Variants in PPP1R9A observed in about 807,000 individuals in gnomAD.
PPP1R9A encodes neurabin-1.
A neutral mutation model predicts 141.9 loss-of-function variants in PPP1R9A; 59 were observed. The ratio of observed to expected loss-of-function variants is 0.42; its 90% confidence interval spans 0.34 to 0.52. The LOEUF (loss-of-function observed/expected upper bound fraction) is 0.52, where lower values mean the gene tolerates loss of function less well. Among genes scored for constraint, PPP1R9A ranks in the 20% least tolerant of loss-of-function variants. The pLI, the probability that PPP1R9A is intolerant of heterozygous loss-of-function variation, is 0.10. For missense variants in PPP1R9A, 1,444 were observed against 1,611.9 expected, an observed-to-expected ratio of 0.90 and a Z score of 1.78; for synonymous variants, 500 against 569.7, an observed-to-expected ratio of 0.88 and a Z score of 1.74.
intron 2 of PPP1R9A, among the ~76,000 whole-genome samples, chr7:95,016,827 G>A (rs892086416): frequency 6.6e-6 from 1 of 152,146 alleles, no homozygotes; most frequent in Non-Finnish European, 1.5e-5. Context: ...TAAGGTATGT[G>A]TTATGGATTG....
chr7:95,136,619 C>A (rs1403191236), intron 4 of PPP1R9A, among the ~76,000 whole-genome samples: 4 of 152,060 alleles, frequency 2.6e-5, no homozygotes, highest in Non-Finnish European at 4.4e-5. Context: ...ATGGCATATA[C>A]ATAATGATGG....
Position 95,251,993 on chromosome 7 carries a change from T to C in PPP1R9A, c.2528T>C (p.Leu843Pro). 1 of 1,609,690 alleles carries C rather than the reference T, an allele frequency of 6.2e-7. No homozygotes were observed. ...TTGGAAGCTGAGGTATTCAGGCTAC[T>C]GAAGCAAAATGGGACTCAAGTTAAC... ...RDLEAEVFRL[L>P]KQNGTQVNNN... is the part of the protein sequence containing the mutation. Residue 843 changes from leucine to proline, a missense_variant, in exon 12 of 20, where the codon CTG becomes CCG. This residue lies in a region of PPP1R9A where 488 missense variants were observed against 542.0 expected (regional missense o/e 0.90). Coordinates refer to ENST00000433360, the MANE Select transcript of PPP1R9A (RefSeq NM_001166160.2).
At chr7:95,142,297 T>C (rs1481909576) in intron 4 of PPP1R9A, among the ~76,000 whole-genome samples, 1 of 152,126 alleles carries the variant, frequency 6.6e-6, no homozygotes, top group African/African-American at 2.4e-5. Context: ...TTTTAACTTA[T>C]GAGTTGCCTT....
intron 14 of PPP1R9A, among the ~76,000 whole-genome samples, chr7:95,270,943 A>G (rs1802075570): frequency 6.6e-6 from 1 of 152,176 alleles, no homozygotes; most frequent in Non-Finnish European, 1.5e-5. Flanking sequence ...AATTATATCA[A>G]CGCTCAGAAG....
At chr7:95,192,836 T>A (rs1053085077) in intron 5 of PPP1R9A, among the ~76,000 whole-genome samples, 1 of 152,128 alleles carries the variant, frequency 6.6e-6, no homozygotes, top group Non-Finnish European at 1.5e-5. Flanking sequence ...AATTTTACAT[T>A]TTCTGCTGAA....
intron 4 of PPP1R9A, among the ~76,000 whole-genome samples, chr7:95,153,023 T>A (rs576474414): frequency 6.6e-6 from 1 of 151,978 alleles, no homozygotes; most frequent in African/African-American, 2.4e-5. Context: ...CTAATTTTTT[T>A]ATTTTTAATA....
chr7:95,127,119 A>G (rs1329202590), intron 4 of PPP1R9A, among the ~76,000 whole-genome samples: 2 of 152,108 alleles, frequency 1.3e-5, no homozygotes, highest in Non-Finnish European at 2.9e-5. Flanking sequence ...ATAGAACTCC[A>G]CTTCTCTTCC....
chr7:95,242,176 G>A (rs148420767), intron 8 of PPP1R9A, among the ~76,000 whole-genome samples: 27 of 152,272 alleles, frequency 1.8e-4, no homozygotes, highest in Non-Finnish European at 3.7e-4. Context: ...ACACCAAAAT[G>A]TAGTTAAAAA....
At chr7:95,044,289 C>G (rs1011662459) in intron 2 of PPP1R9A, among the ~76,000 whole-genome samples, 31 of 152,328 alleles carry the variant, frequency 2.0e-4, no homozygotes, top group African/African-American at 7.5e-4. Flanking sequence ...CTACTTTCTC[C>G]TCCTCTACCT....
intron 2 of PPP1R9A, among the ~76,000 whole-genome samples, chr7:95,065,339 A>G (rs1379087246): frequency 2.0e-5 from 3 of 152,236 alleles, no homozygotes; most frequent in Admixed American, 6.5e-5. Flanking sequence ...TACTAGGATT[A>G]CAGGCGTGAG....
intron 2 of PPP1R9A, among the ~76,000 whole-genome samples, chr7:94,989,985 G>T (rs1801309593): frequency 6.6e-6 from 1 of 151,994 alleles, no homozygotes; most frequent in Non-Finnish European, 1.5e-5. Flanking sequence ...TGAAGCGTTT[G>T]ATTAGTTAAA....
At chr7:95,121,620 G>C (rs1224960204) in intron 4 of PPP1R9A, among the ~76,000 whole-genome samples, 2 of 152,092 alleles carry the variant, frequency 1.3e-5, no homozygotes, top group Admixed American at 1.3e-4. Flanking sequence ...CAGAATACCT[G>C]AGACTGGGTA....
chr7:94,941,458 G>GGTAT (rs1795324143), intron 2 of PPP1R9A, among the ~76,000 whole-genome samples: 4 of 152,034 alleles, frequency 2.6e-5, no homozygotes, highest in Admixed American at 2.6e-4. Context: ...CATATGTGAT[G>GGTAT]GTATGATTCA....
intron 7 of PPP1R9A, among the ~76,000 whole-genome samples, chr7:95,225,644 C>G (rs1316847134): frequency 6.6e-6 from 1 of 152,074 alleles, no homozygotes; most frequent in Non-Finnish European, 1.5e-5. Context: ...TGACTTATTT[C>G]CCTCAGCAAC....
intron 6 of PPP1R9A, among the ~76,000 whole-genome samples, chr7:95,200,748 A>G (rs891444850): frequency 1.3e-5 from 2 of 152,200 alleles, no homozygotes; most frequent in Non-Finnish European, 2.9e-5. Flanking sequence ...AGATATTTTC[A>G]GGGGCAAGGA....
At chr7:94,919,314 T>C in intron 2 of PPP1R9A, among the ~76,000 whole-genome samples, 1 of 149,436 alleles carries the variant, frequency 6.7e-6, no homozygotes, top group African/African-American at 2.5e-5. Context: ...TTTTTTTTTT[T>C]TTTTTTTTTT....
At chr7:95,259,540 T>C (rs1194467778) in intron 12 of PPP1R9A, among the ~76,000 whole-genome samples, 39 of 152,136 alleles carry the variant, frequency 2.6e-4, no homozygotes, top group Non-Finnish European at 1.8e-4. Flanking sequence ...CCTTTGTCCT[T>C]TTTGCCTTTC....
rs563611714 is a variant in PPP1R9A at position 95,188,616 on chromosome 7, T to G, written c.1755-9733T>G. 8.4e-3 allele frequency among the ~76,000 whole-genome samples: 1,125 copies of G among 134,642 alleles called. 25 individuals are homozygous for G. The highest frequency in any genetic ancestry group is 0.044 in the Admixed American group (597 of 13,458). 88.3% of individuals were successfully genotyped at this position (134,642 alleles called of 152,430 possible). On this transcript the variant is annotated intron_variant, in intron 5 of 19. Coordinates refer to ENST00000433360, the MANE Select transcript of PPP1R9A (RefSeq NM_001166160.2). Reference sequence around the variant, plus strand: ...TTGTGTTTTGTTTTTTTTTTTTTTTTGAGACAGAATCTCACTCTGTTGCCT... The same window carrying G: ...TTGTGTTTTGTTTTTTTTTTTTTTTGGAGACAGAATCTCACTCTGTTGCCT...
chr7:94,989,211 G>A (rs1293364243), intron 2 of PPP1R9A, among the ~76,000 whole-genome samples: 1 of 152,030 alleles, frequency 6.6e-6, no homozygotes, highest in Non-Finnish European at 1.5e-5. Context: ...GTTTCAAAGA[G>A]ATGTAAAATT....
Sources: gnomAD v4.1 joint callset for allele counts (sites outside exome capture counted in the v4.1 genomes callset) on GRCh38, gnomAD v4.1.1 for gene constraint, gnomAD v4.1.1 regional missense constraint, MANE v1.5 for transcripts, NCBI Gene and HGNC (gene_info 2026-07-23, HGNC 2026-07-21) for gene names.